Variants in ADAMTS6 observed in about 807,000 individuals in gnomAD.
ADAMTS6 encodes ADAM metallopeptidase with thrombospondin type 1 motif 6.
A neutral mutation model predicts 144.3 loss-of-function variants in ADAMTS6; 23 were observed. The ratio of observed to expected loss-of-function variants is 0.16; its 90% confidence interval spans 0.11 to 0.23. The LOEUF (loss-of-function observed/expected upper bound fraction) is 0.23. Ranked by LOEUF, ADAMTS6 falls within the 10% of genes least tolerant of loss-of-function variation. ADAMTS6 has a pLI of 1.00. For synonymous variants in ADAMTS6, 444 were observed against 457.5 expected, an observed-to-expected ratio of 0.97 and a Z score of 0.38; for missense variants, 999 against 1,379.6, an observed-to-expected ratio of 0.72 and a Z score of 4.37.
At chr5:65,337,642 T>C (rs1266248572) in intron 7 of ADAMTS6, among the ~76,000 whole-genome samples, 5 of 152,182 alleles carry the variant, frequency 3.3e-5, no homozygotes, top group African/African-American at 1.2e-4. Context: ...TCCCATCTTA[T>C]ATTTAAATAT....
rs1258463118 is a variant in ADAMTS6 at position 65,473,926 on chromosome 5, G to T, written c.-253C>A. 5 of 438,320 alleles carry T rather than the reference G, an allele frequency of 1.1e-5. No individual in the cohort carries two copies. The highest frequency in any genetic ancestry group is 2.0e-5 in the Non-Finnish European group (5 of 248,736). The allele number at this position is 438,320 out of a possible 1,614,324, so 27.2% of individuals were successfully genotyped here. On this transcript the variant is annotated 5_prime_UTR_variant, in exon 2 of 25. Coordinates refer to ENST00000381055, the MANE Select transcript of ADAMTS6 (RefSeq NM_197941.4). ...CATAAGCAAAGCATTAGGCTGATTA[G>T]TTACTAAAGTATGGCCATTTTTTAA...
intron 7 of ADAMTS6, among the ~76,000 whole-genome samples, chr5:65,379,707 C>A (rs1320621162): frequency 6.6e-6 from 1 of 152,094 alleles, no homozygotes; most frequent in East Asian, 1.9e-4. Context: ...ATGTACATAA[C>A]TTTCATGTCC....
intron 7 of ADAMTS6, among the ~76,000 whole-genome samples, chr5:65,356,714 T>G (rs780161002): frequency 2.6e-5 from 4 of 151,924 alleles, no homozygotes; most frequent in Non-Finnish European, 5.9e-5. Context: ...TACTAACATT[T>G]ATCACTTTGC....
intron 7 of ADAMTS6, among the ~76,000 whole-genome samples, chr5:65,338,036 T>C (rs1227912382): frequency 1.3e-5 from 2 of 152,188 alleles, no homozygotes; most frequent in African/African-American, 4.8e-5. Context: ...CCCCCAAACT[T>C]AGGCCTGTGA....
intron 11 of ADAMTS6, among the ~76,000 whole-genome samples, chr5:65,284,308 A>C (rs538143308): frequency 6.6e-6 from 1 of 152,192 alleles, no homozygotes; most frequent in South Asian, 2.1e-4. Flanking sequence ...CCTGACATCA[A>C]AGAGCTATAT....
intron 14 of ADAMTS6, among the ~76,000 whole-genome samples, chr5:65,255,732 C>A (rs1308354216): frequency 6.6e-6 from 1 of 150,874 alleles, no homozygotes. Context: ...CAGTTCTTTG[C>A]TAATTTTTAA....
intron 2 of ADAMTS6, among the ~76,000 whole-genome samples, chr5:65,473,232 G>C (rs546630386): frequency 6.6e-6 from 1 of 152,134 alleles, no homozygotes; most frequent in South Asian, 2.1e-4. Flanking sequence ...TTCTTCCACA[G>C]CATAAATGTT....
chr5:65,311,580 C>T (rs1744496578), intron 9 of ADAMTS6, among the ~76,000 whole-genome samples: 1 of 152,004 alleles, frequency 6.6e-6, no homozygotes, highest in African/African-American at 2.4e-5. Context: ...CATACCTTTT[C>T]ATTTTTTAAG....
intron 24 of ADAMTS6, among the ~76,000 whole-genome samples, chr5:65,157,685 A>G (rs1305679030): frequency 6.6e-6 from 1 of 152,222 alleles, no homozygotes; most frequent in Non-Finnish European, 1.5e-5. Context: ...TGCCCATGGA[A>G]ATGCAGAACC....
chr5:65,392,520 A>T (rs1753008326), intron 7 of ADAMTS6, among the ~76,000 whole-genome samples: 1 of 152,166 alleles, frequency 6.6e-6, no homozygotes. Flanking sequence ...ACAAACTATT[A>T]CTATACTTTA....
At chr5:65,242,080 A>T (rs762805558) in intron 15 of ADAMTS6, 24 bp downstream of exon 15, 1 of 1,493,842 alleles carries the variant, frequency 6.7e-7, no homozygotes, top group South Asian at 1.3e-5. Context: ...TCAAGCATGA[A>T]TGCTCTGTCA....
intron 7 of ADAMTS6, among the ~76,000 whole-genome samples, chr5:65,419,164 G>T (rs776583763): frequency 1.8e-4 from 27 of 152,248 alleles, no homozygotes; most frequent in Admixed American, 1.5e-3. Context: ...CATCAATGGG[G>T]ACTGGATAAA....
At chr5:65,163,693 T>A (rs1245133352) in intron 24 of ADAMTS6, among the ~76,000 whole-genome samples, 1 of 152,228 alleles carries the variant, frequency 6.6e-6, no homozygotes, top group Non-Finnish European at 1.5e-5. Flanking sequence ...GACTATATAT[T>A]AATGATAGGT....
At chr5:65,381,529 ATTTTTTTTTT>A (rs748143650) in intron 7 of ADAMTS6, among the ~76,000 whole-genome samples, 1 of 103,086 alleles carries the variant, frequency 9.7e-6, no homozygotes, top group East Asian at 3.1e-4. Context: ...TGCCTGGCTA[ATTTTTTTTTT>A]TTTTTTTTTT....
At chr5:65,256,150 C>T (rs1760639761) in intron 14 of ADAMTS6, among the ~76,000 whole-genome samples, 1 of 152,222 alleles carries the variant, frequency 6.6e-6, no homozygotes, top group Non-Finnish European at 1.5e-5. Context: ...TTGCCACCAG[C>T]CACATGGGGC....
chr5:65,312,068 G>A (rs1355639427), intron 9 of ADAMTS6, among the ~76,000 whole-genome samples: 1 of 151,630 alleles, frequency 6.6e-6, no homozygotes, highest in African/African-American at 2.4e-5. Flanking sequence ...GCCTCCAAAG[G>A]AAAAAATAAA....
At chr5:65,256,715 T>C (rs916565178) in intron 14 of ADAMTS6, among the ~76,000 whole-genome samples, 2 of 152,124 alleles carry the variant, frequency 1.3e-5, no homozygotes, top group East Asian at 1.9e-4. Flanking sequence ...TTACAGTATA[T>C]AATACATATA....
rs1407414516 is a variant in ADAMTS6, at chr5:65,149,980, A to AT, written c.*1855dup. 2.6e-5 allele frequency: 4 copies of AT among 151,730 alleles called. No individual in the cohort carries two copies. Among genetic ancestry groups the AT allele is most frequent in the Non-Finnish European group, 4.4e-5 (3 of 67,716 alleles). 9.4% of individuals were successfully genotyped at this position (151,730 alleles called of 1,614,324 possible). A position where few individuals can be genotyped will look rare whatever the true frequency, so the allele number is the denominator to read the frequency against. Reference sequence around the variant, plus strand: ...GTTGAGAGAGAAAGCAGGTAACAAGATACAGATGGTCATGACTGAGAGTGC... The same window carrying AT: ...GTTGAGAGAGAAAGCAGGTAACAAGATTACAGATGGTCATGACTGAGAGTGC... On this transcript the variant is annotated 3_prime_UTR_variant, in exon 25 of 25. Transcript: ENST00000381055.
At chr5:65,468,361 C>T (rs1014428684) in intron 3 of ADAMTS6, among the ~76,000 whole-genome samples, 3 of 150,156 alleles carry the variant, frequency 2.0e-5, no homozygotes, top group African/African-American at 7.4e-5. Flanking sequence ...ATGTAACATC[C>T]ATAGGAGGTG....
Sources: gnomAD v4.1 joint callset for allele counts (sites outside exome capture counted in the v4.1 genomes callset) on GRCh38, gnomAD v4.1.1 for gene constraint, MANE v1.5 for transcripts, NCBI Gene and HGNC (gene_info 2026-07-23, HGNC 2026-07-21) for gene names.